Variants in KCNIP4 observed in about 807,000 individuals in gnomAD.
The protein encoded by KCNIP4 is potassium voltage-gated channel interacting protein 4, also known as Kv channel-interacting protein 4.
Under a neutral mutation model 34.0 loss-of-function variants are expected in KCNIP4, and 12 were observed. The ratio of observed to expected loss-of-function variants is 0.35; its 90% CI spans 0.23 to 0.57. The LOEUF (loss-of-function observed/expected upper bound fraction) is 0.57. KCNIP4 is among the 20% of genes least tolerant of loss of function. KCNIP4 has a pLI of 0.83. For missense variants in KCNIP4, 238 were observed against 311.7 expected (o/e 0.76, Z 1.78); for synonymous variants, 124 against 102.2 (o/e 1.21, Z -1.29).
At chr4:21,779,718 C>T (rs983198500) in intron 1 of KCNIP4, among the ~76,000 whole-genome samples, 4 of 152,032 alleles carry the variant, frequency 2.6e-5, no homozygotes, top group African/African-American at 7.2e-5. Context: ...GCCTGGGTGA[C>T]ACAGCAAGAT....
At chr4:21,702,895 T>C (rs934136532) in intron 1 of KCNIP4, among the ~76,000 whole-genome samples, 1 of 151,784 alleles carries the variant, frequency 6.6e-6, no homozygotes, top group African/African-American at 2.4e-5. Context: ...TAAAAAGAAA[T>C]ATATATTATA....
chr4:20,768,955 G>C (rs927625387), intron 3 of KCNIP4, among the ~76,000 whole-genome samples: 1 of 151,976 alleles, frequency 6.6e-6, no homozygotes, highest in Admixed American at 6.6e-5. Context: ...TGAGCCCCAC[G>C]AGTTCTCAGG....
chr4:21,212,147 A>G (rs1757262687), intron 1 of KCNIP4, among the ~76,000 whole-genome samples: 1 of 152,198 alleles, frequency 6.6e-6, no homozygotes, highest in Non-Finnish European at 1.5e-5. Flanking sequence ...CCAATCTCTC[A>G]GATAAAAGAG....
Position 21,144,158 on chromosome 4 carries a change from T to C in KCNIP4, c.62-261449A>G, listed in dbSNP as rs562316686. Among the ~76,000 whole-genome samples, 19 of 152,296 alleles carry C rather than the reference T, an allele frequency of 1.2e-4. 1 individual carries two copies. Among genetic ancestry groups the C allele is most frequent in the Admixed American group, 1.2e-3 (18 of 15,286 alleles). The stretch of plus-strand genomic sequence containing the variant: ...ATCCTTCAGAAATACAACCCCCTTC[T>C]GCCCCATGCAATAAACCAGTATTAT... On this transcript the variant is annotated intron_variant, in intron 1 of 8. Transcript: ENST00000382152.
At chr4:21,765,510 G>A (rs16871869) in intron 1 of KCNIP4, among the ~76,000 whole-genome samples, 4,272 of 152,106 alleles carry the variant, frequency 0.028, 185 homozygotes, top group African/African-American at 0.096. Context: ...TTCTGAGTTA[G>A]GGGCTGTTTG....
At chr4:21,135,168 C>T (rs1284448712) in intron 1 of KCNIP4, among the ~76,000 whole-genome samples, 2 of 152,204 alleles carry the variant, frequency 1.3e-5, no homozygotes, top group Admixed American at 6.5e-5. Flanking sequence ...CAGACTGCCT[C>T]TTATAAAGTA....
chr4:21,782,768 C>T (rs1464106912), intron 1 of KCNIP4, among the ~76,000 whole-genome samples: 1 of 152,012 alleles, frequency 6.6e-6, no homozygotes, highest in East Asian at 1.9e-4. Context: ...TGGAAACGGC[C>T]AAAATGTCCT....
At position 21,380,853 on chromosome 4, in the gene KCNIP4, C is replaced by A. The variant is rs563797288; in HGVS notation, c.62-498144G>T. On this transcript the variant is annotated intron_variant, in intron 1 of 8. Coordinates refer to ENST00000382152, the MANE Select transcript of KCNIP4 (RefSeq NM_025221.6). ...TTTCCATTGGTGACACACACACACACACACACGAATTGGCTTGAAAAATAG... is the reference window on the plus strand; with the variant it reads ...TTTCCATTGGTGACACACACACACAAACACACGAATTGGCTTGAAAAATAG... Among the ~76,000 whole-genome samples the A allele has an allele frequency of 2.0e-5, 3 of 151,896 alleles. No homozygotes were observed. The East Asian group carries it at 5.8e-4, about 30-fold the overall frequency.
In KCNIP4 at chr4:21,280,392, A is replaced by T. The variant is rs538549938; in HGVS notation, c.62-397683T>A. Among the ~76,000 whole-genome samples, 4 of 152,330 alleles carry T rather than the reference A, an allele frequency of 2.6e-5. No homozygotes were observed. The South Asian group carries it at 8.3e-4, about 32-fold the overall frequency. ...ATTTATTAAACAATATGTCAGAAAC[A>T]GACACATAGCAGGCACTTTGTAAAG... On this transcript the variant is annotated intron_variant, in intron 1 of 8. Transcript: ENST00000382152.
At chr4:21,800,290 T>C (rs1197084591) in intron 1 of KCNIP4, among the ~76,000 whole-genome samples, 1 of 152,226 alleles carries the variant, frequency 6.6e-6, no homozygotes, top group Non-Finnish European at 1.5e-5. Context: ...GTTGATTTTA[T>C]GGTTTTCAAC....
chr4:21,441,212 G>A (rs1727445981), intron 1 of KCNIP4, among the ~76,000 whole-genome samples: 1 of 151,046 alleles, frequency 6.6e-6, no homozygotes, highest in Non-Finnish European at 1.5e-5. Context: ...CGTGATCTCG[G>A]CTCACTGCAA....
intron 1 of KCNIP4, among the ~76,000 whole-genome samples, chr4:21,431,331 C>A (rs559629084): frequency 6.6e-6 from 1 of 151,812 alleles, no homozygotes; most frequent in Non-Finnish European, 1.5e-5. Flanking sequence ...ATTCCAACCA[C>A]GAAAAAGTGA....
intron 3 of KCNIP4, among the ~76,000 whole-genome samples, chr4:20,766,140 G>A (rs1435376979): frequency 2.0e-5 from 3 of 151,978 alleles, no homozygotes; most frequent in African/African-American, 4.8e-5. Context: ...TTATCTCGTG[G>A]GAATAGAAAG....
chr4:21,394,402 C>A (rs559226338), intron 1 of KCNIP4, among the ~76,000 whole-genome samples: 34 of 152,236 alleles, frequency 2.2e-4, no homozygotes, highest in Admixed American at 1.7e-3. Context: ...TGACCCAGAA[C>A]TGACCAATCA....
intron 1 of KCNIP4, among the ~76,000 whole-genome samples, chr4:21,036,376 C>T (rs940781615): frequency 1.3e-5 from 2 of 152,098 alleles, no homozygotes; most frequent in South Asian, 2.1e-4. Context: ...ATATGGAATA[C>T]GTAGATCCAA....
intron 1 of KCNIP4, among the ~76,000 whole-genome samples, chr4:21,590,589 AG>A (rs912564721): frequency 6.6e-6 from 1 of 151,966 alleles, no homozygotes; most frequent in South Asian, 2.1e-4. Context: ...AAAAAATAAA[AG>A]GTTTAGGGAT....
chr4:21,244,407 T>C (rs770247971), intron 1 of KCNIP4, among the ~76,000 whole-genome samples: 1 of 152,250 alleles, frequency 6.6e-6, no homozygotes, highest in Admixed American at 6.5e-5. Flanking sequence ...GAATACTTTA[T>C]TGTTGCATTT....
At chr4:21,263,893 G>A (rs887122528) in intron 1 of KCNIP4, among the ~76,000 whole-genome samples, 2 of 151,906 alleles carry the variant, frequency 1.3e-5, no homozygotes, top group Admixed American at 6.6e-5. Context: ...GGAATTCCTG[G>A]CCTTAAGCAC....
At chr4:21,456,008 T>C (rs1445042826) in intron 1 of KCNIP4, among the ~76,000 whole-genome samples, 1 of 145,470 alleles carries the variant, frequency 6.9e-6, no homozygotes, top group Non-Finnish European at 1.5e-5. Flanking sequence ...CCTCCTTCCA[T>C]CGTATTTCTC....
Sources: gnomAD v4.1 joint callset for allele counts (sites outside exome capture counted in the v4.1 genomes callset) on GRCh38, gnomAD v4.1.1 for gene constraint, MANE v1.5 for transcripts, NCBI Gene and HGNC (gene_info 2026-07-23, HGNC 2026-07-21) for gene names.